The following SCRT2 variants were observed in gnomAD, a reference collection of about 807,000 sequenced individuals.
The protein encoded by SCRT2 is transcriptional repressor scratch 2.
Under a neutral mutation model 3.7 loss-of-function variants are expected in SCRT2, and 2 were observed. The ratio of observed to expected loss-of-function variants is 0.54; its 90% CI spans 0.22 to 1.70. SCRT2 has a LOEUF of 1.70. SCRT2 is among the 40% of genes most tolerant of loss of function. The pLI is 0.19. For synonymous variants in SCRT2, 256 were observed against 220.6 expected (o/e 1.16, Z -1.42); for missense variants, 456 against 468.5 (o/e 0.97, Z 0.25).
chr20:674,980 G>A (rs903910556), intron 1 of SCRT2, among the ~76,000 whole-genome samples: 2 of 152,142 alleles, frequency 1.3e-5, no homozygotes, highest in African/African-American at 4.8e-5. Flanking sequence ...CGGCAGGGGA[G>A]CAGGTTTGAA....
chr20:664,029 G>A lies in SCRT2; in HGVS notation c.566C>T (p.Pro189Leu), dbSNP rs1482018915. The change falls in exon 2 of 2, where the codon CCG (proline) becomes CTG (leucine). Residue 189 changes from proline (P) to leucine (L), a missense_variant. Around this residue, in one of 3 missense-constraint regions of SCRT2, gnomAD observed 306 missense variants for 305.3 expected, o/e 1.00. Transcript: ENST00000246104. The surrounding 1 kb of genome is among the most constrained non-coding windows in gnomAD (Gnocchi z 7.9). ...GGACACGTAGGCCTTGCCGCACGTC[G>A]GGCATTTGCGCGCCAGCTGGCTGTC... ...SLDSQLARKC[P>L]TCGKAYVSMP... The A allele has an allele frequency of 6.2e-7, 1 of 1,612,002 alleles. No individual in the cohort carries two copies. The highest frequency in any genetic ancestry group is 1.1e-5 in the South Asian group (1 of 91,034).
rs750301833 is a variant in SCRT2, at chr20:664,373, C to G, written c.222G>C (p.Pro74=). 7.0e-7 allele frequency: 1 copy of G among 1,433,606 alleles called. No individual in the cohort carries two copies. The allele number at this position is 1,433,606 out of a possible 1,614,324, so 88.8% of individuals were successfully genotyped here. ...CGCTGTACTCCTCCGGCGCCGCCGG[C>G]GGGTACGCGGGCTCGGCCGGGGCCA... ...LELAPAEPAY[P]PAAPEEYSDP... Residue 74 remains proline (P), a synonymous_variant, in exon 2 of 2, where the codon CCG becomes CCC. Coordinates refer to ENST00000246104, the MANE Select transcript of SCRT2 (RefSeq NM_033129.4). This position sits in a 1 kb window ranked among gnomAD's most constrained non-coding sequence, Gnocchi z 7.9.
intron 1 of SCRT2, among the ~76,000 whole-genome samples, chr20:672,412 T>C (rs879771522): frequency 3.6e-5 from 5 of 140,150 alleles, no homozygotes; most frequent in Admixed American, 7.6e-5. Flanking sequence ...TGTGTGTGTG[T>C]GTGTGTGTGT....
In SCRT2 at chr20:666,953, A is replaced by T. The variant is rs920531189; in HGVS notation, c.134-2492T>A. Among the ~76,000 whole-genome samples, 1 of 152,096 alleles carries T rather than the reference A, an allele frequency of 6.6e-6. No individual in the cohort carries two copies. Among genetic ancestry groups the T allele is most frequent in the African/African-American group, 2.4e-5 (1 of 41,392 alleles). On this transcript the variant is annotated intron_variant, in intron 1 of 1. Coordinates refer to ENST00000246104, the MANE Select transcript of SCRT2 (RefSeq NM_033129.4). The surrounding 1 kb of genome is among the most constrained non-coding windows in gnomAD (Gnocchi z 4.4). ...TGGGATTTATCTGGAGGGGTGACTG[A>T]TCACGTAACCAGTGCTTTGAGTTCT...
At chr20:670,711 TGTACTGACATAAG>T (rs973348466) in intron 1 of SCRT2, among the ~76,000 whole-genome samples, 1 of 151,658 alleles carries the variant, frequency 6.6e-6, no homozygotes, top group African/African-American at 2.4e-5. Flanking sequence ...TGTAGATTGC[TGTACTGACATAAG>T]GGACTTGGTG....
chr20:667,262 G>A lies in SCRT2; in HGVS notation c.134-2801C>T, dbSNP rs1461700035. 2.0e-5 allele frequency among the ~76,000 whole-genome samples: 3 copies of A among 152,194 alleles called. No homozygotes were observed. The highest frequency in any genetic ancestry group is 2.9e-5 in the Non-Finnish European group (2 of 68,032). ...GTGGTAGGTACCCTTTTATAGAAGA[G>A]GAAACCAAGGCACAAGGAAGCTAAG... On this transcript the variant is annotated intron_variant, in intron 1 of 1. Transcript: ENST00000246104. This position sits in a 1 kb window ranked among gnomAD's most constrained non-coding sequence, Gnocchi z 4.4.
Position 662,195 on chromosome 20 carries a change from GAGAGCGCCCCTCCCGGGGAGCAGGCC to G in SCRT2, c.*1450_*1475del, listed in dbSNP as rs1983974426. The G allele has an allele frequency of 6.5e-6, 1 of 152,738 alleles. No homozygotes were observed. The highest frequency in any genetic ancestry group is 6.5e-5 in the Admixed American group (1 of 15,290). The allele number at this position is 152,738 out of a possible 1,614,324, so 9.5% of individuals were successfully genotyped here. On this transcript the variant is annotated 3_prime_UTR_variant, in exon 2 of 2. Coordinates refer to ENST00000246104, the MANE Select transcript of SCRT2 (RefSeq NM_033129.4). ...GAGAGTTGCATAGACATGGCCGGGA[GAGAGCGCCCCTCCCGGGGAGCAGGCC>G]AGAGGCCCCAGCGGGTCCGGGGCTC... is the stretch of plus-strand genomic sequence containing the variant.
Position 665,469 on chromosome 20 carries a change from C to T in SCRT2, c.134-1008G>A, listed in dbSNP as rs1187319581. 3.3e-5 allele frequency among the ~76,000 whole-genome samples: 5 copies of T among 151,720 alleles called. No homozygotes were observed. The highest frequency in any genetic ancestry group is 9.8e-5 in the African/African-American group (4 of 40,976). On this transcript the variant is annotated intron_variant, in intron 1 of 1. Transcript: ENST00000246104. The surrounding 1 kb of genome is among the most constrained non-coding windows in gnomAD (Gnocchi z 5.0). ...GAAGTCCGCAGTGAGAATTCCCCTC[C>T]CCCTCCTCCTCCCACTTAGCTGGAG...
At chr20:674,190 ACTCT>A (rs533618417) in intron 1 of SCRT2, among the ~76,000 whole-genome samples, 1 of 149,822 alleles carries the variant, frequency 6.7e-6, no homozygotes, top group African/African-American at 2.5e-5. Flanking sequence ...TTTGCCCAGC[ACTCT>A]CTCTCTCTCT....
chr20:669,285 G>T (rs912657058), intron 1 of SCRT2, among the ~76,000 whole-genome samples: 1 of 152,198 alleles, frequency 6.6e-6, no homozygotes, highest in African/African-American at 2.4e-5. Flanking sequence ...TAAATGCTTT[G>T]TGCACATTAG....
rs1453122023 is a variant in SCRT2, at chr20:675,174, G to T, written c.133+295C>A. ...GCGCTGGCCTTTCACGAGCAGCCCC[G>T]TCTGTGTTCTCTTGCCACCCCCTCA... On this transcript the variant is annotated intron_variant, in intron 1 of 1. Coordinates refer to ENST00000246104, the MANE Select transcript of SCRT2 (RefSeq NM_033129.4). The surrounding 1 kb of genome is among the most constrained non-coding windows in gnomAD (Gnocchi z 6.9). 6.6e-6 allele frequency among the ~76,000 whole-genome samples: 1 copy of T among 152,138 alleles called. No individual in the cohort carries two copies. Among genetic ancestry groups the T allele is most frequent in the South Asian group, 2.1e-4 (1 of 4,826 alleles).
In SCRT2 at chr20:667,186, C is replaced by G. The variant is rs1378831166; in HGVS notation, c.134-2725G>C. Among the ~76,000 whole-genome samples, 1 of 152,122 alleles carries G rather than the reference C, an allele frequency of 6.6e-6. No homozygotes were observed. Among genetic ancestry groups the G allele is most frequent in the Non-Finnish European group, 1.5e-5 (1 of 68,020 alleles). ...TCAGAGCACTCCTGTGTCAGGCACTCTTACAAGGGCTTTCCACACATGAAA... is the reference window on the plus strand; with the variant it reads ...TCAGAGCACTCCTGTGTCAGGCACTGTTACAAGGGCTTTCCACACATGAAA... On this transcript the variant is annotated intron_variant, in intron 1 of 1. Coordinates refer to ENST00000246104, the MANE Select transcript of SCRT2 (RefSeq NM_033129.4). This position sits in a 1 kb window ranked among gnomAD's most constrained non-coding sequence, Gnocchi z 4.4.
intron 1 of SCRT2, among the ~76,000 whole-genome samples, chr20:670,803 C>A (rs1455811935): frequency 6.6e-6 from 1 of 152,152 alleles, no homozygotes; most frequent in Non-Finnish European, 1.5e-5. Flanking sequence ...AGCTCAGGAC[C>A]CTCACGTCCC....
At chr20:669,360 C>T (rs995756635) in intron 1 of SCRT2, among the ~76,000 whole-genome samples, 6 of 152,206 alleles carry the variant, frequency 3.9e-5, no homozygotes, top group Non-Finnish European at 7.3e-5. Context: ...AGACAAAGGC[C>T]TTGACCCACC....
At chr20:669,423 C>CT (rs756075486) in intron 1 of SCRT2, among the ~76,000 whole-genome samples, 81 of 152,306 alleles carry the variant, frequency 5.3e-4, no homozygotes, top group Non-Finnish European at 8.7e-4. Context: ...CTTTTCTTTC[C>CT]TTTTTTTCAG....
In SCRT2 at chr20:665,352, A is replaced by T. The variant is rs1984123266; in HGVS notation, c.134-891T>A. 6.6e-6 allele frequency among the ~76,000 whole-genome samples: 1 copy of T among 152,202 alleles called. No individual in the cohort carries two copies. The highest frequency in any genetic ancestry group is 1.5e-5 in the Non-Finnish European group (1 of 68,034). ...ACCCACCTGCCAGGGTTGCTGAAGC[A>T]TTTAACAGGGGTCAAGTGTGTGGCA... is the stretch of plus-strand genomic sequence containing the variant. On this transcript the variant is annotated intron_variant, in intron 1 of 1. Transcript: ENST00000246104. This position sits in a 1 kb window ranked among gnomAD's most constrained non-coding sequence, Gnocchi z 5.0.
In SCRT2 at chr20:665,741, T is replaced by A. The variant is rs1984134610; in HGVS notation, c.134-1280A>T. On this transcript the variant is annotated intron_variant, in intron 1 of 1. Coordinates refer to ENST00000246104, the MANE Select transcript of SCRT2 (RefSeq NM_033129.4). The surrounding 1 kb of genome is among the most constrained non-coding windows in gnomAD (Gnocchi z 5.0). ...GGCAAGTGATTCCATTGTTCTGTGA[T>A]TCCACAGAACAATGAAGGTTAGGTC... Among the ~76,000 whole-genome samples the A allele has an allele frequency of 6.6e-6, 1 of 152,180 alleles. No homozygotes were observed. The highest frequency in any genetic ancestry group is 1.9e-4 in the East Asian group (1 of 5,182).
Position 666,387 on chromosome 20 carries a change from C to A in SCRT2, c.134-1926G>T, listed in dbSNP as rs1002495890. 6.6e-6 allele frequency among the ~76,000 whole-genome samples: 1 copy of A among 152,140 alleles called. No individual in the cohort carries two copies. The highest frequency in any genetic ancestry group is 1.5e-5 in the Non-Finnish European group (1 of 68,020). On this transcript the variant is annotated intron_variant, in intron 1 of 1. Transcript: ENST00000246104. The surrounding 1 kb of genome is among the most constrained non-coding windows in gnomAD (Gnocchi z 4.4). ...TACCCGTCAGGCACTCCCAGACCCC[C>A]CTCCTTCTCCTTCTGTATTTCCTCA... is the stretch of plus-strand genomic sequence containing the variant.
intron 1 of SCRT2, among the ~76,000 whole-genome samples, chr20:670,634 C>T (rs1352095921): frequency 6.6e-6 from 1 of 152,158 alleles, no homozygotes; most frequent in Non-Finnish European, 1.5e-5. Flanking sequence ...TGGAGTGAAT[C>T]CTCCCCTGCC....
Sources: allele counts gnomAD v4.1 joint callset (sites outside exome capture counted in the v4.1 genomes callset), GRCh38; gene constraint gnomAD v4.1.1; regional missense constraint gnomAD v4.1.1; non-coding constraint Gnocchi (gnomAD v3.1); transcripts MANE v1.5; gene names NCBI Gene and HGNC (gene_info 2026-07-23, HGNC 2026-07-21).